Variants in ZNF544 observed in about 807,000 individuals in gnomAD.
The protein encoded by ZNF544 is zinc finger protein 544.
A neutral mutation model predicts 13.5 loss-of-function variants in ZNF544; 10 were observed. The observed-to-expected ratio is 0.74, with a 90% confidence interval of 0.46 to 1.25. The LOEUF (loss-of-function observed/expected upper bound fraction) is 1.25, where lower values mean the gene tolerates loss of function less well. ZNF544 is among the 50% of genes most tolerant of loss of function. ZNF544 has a pLI of 0.00. For missense variants in ZNF544, 896 were observed against 845.6 expected (o/e 1.06, Z -0.74); for synonymous variants, 323 against 300.5 (o/e 1.07, Z -0.77).
chr19:58,243,808 C>G (rs1600268049), intron 3 of ZNF544, among the ~76,000 whole-genome samples, 157 bp from the exon 4 acceptor site: 1 of 152,148 alleles, frequency 6.6e-6, no homozygotes. Context: ...CTGGGCACAT[C>G]CCCGAGCCTG....
chr19:58,266,367 C>G (rs563613567), downstream of ZNF544, among the ~76,000 whole-genome samples: 1 of 150,674 alleles, frequency 6.6e-6, no homozygotes, highest in African/African-American at 2.4e-5. Context: ...TACAAAAAAT[C>G]AGCCAGGTGT....
chr19:58,240,026 C>T (rs768209123), intron 3 of ZNF544, among the ~76,000 whole-genome samples: 10 of 152,120 alleles, frequency 6.6e-5, no homozygotes, highest in Non-Finnish European at 1.5e-4. Context: ...ATTCTCCAAA[C>T]GACCATGTGG....
At chr19:58,273,428 C>T (rs1045414478) in intron 5 of ZNF544, among the ~76,000 whole-genome samples, 9 of 151,176 alleles carry the variant, frequency 6.0e-5, no homozygotes, top group African/African-American at 9.7e-5. Context: ...CGATGGCTCA[C>T]GCCTGTAATC....
intron 3 of ZNF544, among the ~76,000 whole-genome samples, chr19:58,239,406 A>G (rs1271451849): frequency 6.6e-6 from 1 of 152,130 alleles, no homozygotes; most frequent in Non-Finnish European, 1.5e-5. Context: ...GGAAAGCAAA[A>G]CTGCCCCCAG....
At chr19:58,273,551 G>A (rs891204551) in intron 5 of ZNF544, among the ~76,000 whole-genome samples, 2 of 151,794 alleles carry the variant, frequency 1.3e-5, no homozygotes, top group African/African-American at 4.8e-5. Context: ...TTAGCCGGGC[G>A]TGGTGGCGGG....
downstream of ZNF544, among the ~76,000 whole-genome samples, chr19:58,268,608 C>T (rs1013364521): frequency 1.3e-5 from 2 of 152,238 alleles, no homozygotes; most frequent in African/African-American, 4.8e-5. Flanking sequence ...GTCCCTGCTA[C>T]TGTGTCCTGT....
At chr19:58,232,314 C>T (rs895781376) in intron 3 of ZNF544, among the ~76,000 whole-genome samples, 17 of 150,540 alleles carry the variant, frequency 1.1e-4, no homozygotes, top group African/African-American at 3.9e-4. Flanking sequence ...ATAAAGTAGA[C>T]CTTTAGTGCA....
At chr19:58,255,618 T>TCAAA (rs1356581135) in intron 6 of ZNF544, among the ~76,000 whole-genome samples, 1 of 106,288 alleles carries the variant, frequency 9.4e-6, no homozygotes, top group Admixed American at 9.9e-5. Context: ...CTTCAGACAG[T>TCAAA]CAAATCGAGT....
Position 58,261,731 on chromosome 19 carries a change from T to C in ZNF544, c.1125T>C (p.Thr375=). The C allele has an allele frequency of 6.2e-7, 1 of 1,614,238 alleles. No individual in the cohort carries two copies. Among genetic ancestry groups the C allele is most frequent in the Non-Finnish European group, 8.5e-7 (1 of 1,180,050 alleles). ...CCKLIHQRTH[T]GEKPFECTQC... ...AGCTCATACACCAGAGAACACACAC[T>C]GGAGAAAAGCCCTTCGAATGTACTC... Residue 375 remains threonine, a synonymous_variant, in exon 7 of 7, where the codon ACT becomes ACC. Coordinates refer to ENST00000687789, the MANE Select transcript of ZNF544 (RefSeq NM_014480.4).
At chr19:58,269,939 T>C (rs1031283051) in intron 5 of ZNF544, among the ~76,000 whole-genome samples, 4 of 152,124 alleles carry the variant, frequency 2.6e-5, no homozygotes, top group African/African-American at 7.2e-5. Context: ...GCAAATGGCA[T>C]GGCAGAACCT....
In ZNF544 at chr19:58,261,417, G is replaced by T; in HGVS notation, c.811G>T (p.Asp271Tyr). The T allele has an allele frequency of 6.2e-7, 1 of 1,614,148 alleles. No homozygotes were observed. The highest frequency in any genetic ancestry group is 1.1e-5 in the South Asian group (1 of 91,054). ...GRTFSVKKSD[D>Y]CKDYGNLFSH... ...AACTTTTTCAGTGAAGAAAAGTGAT[G>T]ACTGTAAGGATTATGGAAACCTCTT... Residue 271 changes from aspartate (D) to tyrosine (Y), a missense_variant, in exon 7 of 7, where the codon GAC (aspartate) becomes TAC (tyrosine). Transcript: ENST00000687789.
intron 6 of ZNF544, among the ~76,000 whole-genome samples, chr19:58,251,680 T>A (rs1430964730): frequency 3.3e-5 from 5 of 152,326 alleles, no homozygotes; most frequent in Middle Eastern, 3.4e-3. Flanking sequence ...GATTAGATCA[T>A]TAGTTAAAAA....
rs2049058249 is a variant in ZNF544 at position 58,261,987 on chromosome 19, G to C, written c.1381G>C (p.Glu461Gln). The C allele has an allele frequency of 1.2e-6, 2 of 1,613,846 alleles. No individual in the cohort carries two copies. Among genetic ancestry groups the C allele is most frequent in the African/African-American group, 1.3e-5 (1 of 74,924 alleles). ...LIVHQRIHTGEKPYECTHCGK... is the reference protein window; with the variant it reads ...LIVHQRIHTGQKPYECTHCGK... ...TGTACATCAGAGAATTCATACTGGA[G>C]AGAAACCGTATGAGTGCACTCACTG... Residue 461 changes from glutamate (E) to glutamine (Q), a missense_variant, in exon 7 of 7, where the codon GAG becomes CAG. Physicochemically the swap from Glu to Gln is conservative, Grantham distance 29. Transcript: ENST00000687789.
chr19:58,245,232 G>A (rs1014796639), intron 4 of ZNF544, among the ~76,000 whole-genome samples: 22 of 148,334 alleles, frequency 1.5e-4, no homozygotes, highest in Admixed American at 9.5e-4. Context: ...GAACCACCGC[G>A]CCCGACCCCC....
intron 3 of ZNF544, among the ~76,000 whole-genome samples, chr19:58,232,695 C>A (rs1158782881): frequency 4.7e-5 from 7 of 149,452 alleles, no homozygotes; most frequent in African/African-American, 1.5e-4. Flanking sequence ...TTTGGGAGGC[C>A]GAGGCGGCCG....
At position 58,245,044 on chromosome 19, in the gene ZNF544, T is replaced by A. The variant is rs546975713; in HGVS notation, c.33+988T>A. ...GCTCACTGCAACTCCGCCTCCTGGT[T>A]TCAAGCAATTCTCCTGCCTCGGCCT... On this transcript the variant is annotated intron_variant, in intron 4 of 6. Coordinates refer to ENST00000687789, the MANE Select transcript of ZNF544 (RefSeq NM_014480.4). Among the ~76,000 whole-genome samples, 40 of 151,778 alleles carry A rather than the reference T, an allele frequency of 2.6e-4. No homozygotes were observed. In the East Asian group the frequency reaches 2.9e-3, roughly 11 times the overall value.
intron 3 of ZNF544, among the ~76,000 whole-genome samples, chr19:58,242,896 C>T (rs1045351462): frequency 3.9e-5 from 6 of 152,114 alleles, no homozygotes; most frequent in African/African-American, 4.8e-5. Flanking sequence ...ACGGTTTCAC[C>T]ATCTTGGCCA....
chr19:58,264,298 A>T (rs986293085), downstream of ZNF544, among the ~76,000 whole-genome samples: 2 of 150,346 alleles, frequency 1.3e-5, no homozygotes, highest in African/African-American at 4.9e-5. Context: ...GAGGCAGGAG[A>T]ATCTTGACCT....
At chr19:58,250,760 C>T (rs1402372467) in intron 6 of ZNF544, among the ~76,000 whole-genome samples, 1 of 152,106 alleles carries the variant, frequency 6.6e-6, no homozygotes, top group African/African-American at 2.4e-5. Context: ...TACTGCTTGT[C>T]CTGTCATCGT....
Sources: gnomAD v4.1 joint callset for allele counts (sites outside exome capture counted in the v4.1 genomes callset) on GRCh38, gnomAD v4.1.1 for gene constraint, MANE v1.5 for transcripts, NCBI Gene and HGNC (gene_info 2026-07-23, HGNC 2026-07-21) for gene names.